Variants in ADAM2 observed in about 807,000 individuals in gnomAD.
ADAM2 encodes disintegrin and metalloproteinase domain-containing protein 2.
Under a neutral mutation model 99.3 loss-of-function variants are expected in ADAM2, and 101 were observed. That is an observed-to-expected ratio of 1.02 (90% CI 0.87 to 1.20). The LOEUF (loss-of-function observed/expected upper bound fraction) is 1.20, where lower values mean the gene tolerates loss of function less well. Ranked by LOEUF, ADAM2 falls within the 50% of genes most tolerant of loss-of-function variation. The probability of loss-of-function intolerance (pLI) is 0.00; values close to 1 mark genes in which losing one functional copy is unlikely to be tolerated. For missense variants in ADAM2, 948 were observed against 878.7 expected (o/e 1.08, Z -1.00); for synonymous variants, 323 against 287.6 (o/e 1.12, Z -1.25).
At chr8:39,784,090 A>G (rs776506729) in intron 10 of ADAM2, among the ~76,000 whole-genome samples, 1 of 152,216 alleles carries the variant, frequency 6.6e-6, no homozygotes, top group Non-Finnish European at 1.5e-5. Flanking sequence ...TCTAAATTGC[A>G]ATCTACAGCC....
intron 12 of ADAM2, among the ~76,000 whole-genome samples, chr8:39,768,833 G>T (rs374053253): frequency 6.6e-6 from 1 of 152,158 alleles, no homozygotes; most frequent in East Asian, 1.9e-4. Flanking sequence ...GGAAAATAGG[G>T]AGATGATGGT....
intron 6 of ADAM2, among the ~76,000 whole-genome samples, chr8:39,819,917 G>A (rs6415697): frequency 1 from 152,202 of 152,202 alleles, 76,101 homozygotes; most frequent in Non-Finnish European, 1. Flanking sequence ...GGAATGAGGT[G>A]CCAAGAAAAG....
intron 2 of ADAM2, among the ~76,000 whole-genome samples, chr8:39,835,193 C>G (rs546880235): frequency 6.6e-6 from 1 of 152,056 alleles, no homozygotes; most frequent in South Asian, 2.1e-4. Flanking sequence ...TTACTATTAC[C>G]TCTTCTTCTT....
intron 16 of ADAM2, among the ~76,000 whole-genome samples, chr8:39,752,128 A>G (rs1801973359): frequency 6.6e-6 from 1 of 152,196 alleles, no homozygotes; most frequent in African/African-American, 2.4e-5. Context: ...GTGTGATTTT[A>G]CAAAAGCAAC....
chr8:39,821,214 TGGAAAAGC>T (rs927068153), intron 5 of ADAM2, 44 bp from the exon 6 acceptor site: 1 of 1,337,288 alleles, frequency 7.5e-7, no homozygotes, highest in Admixed American at 2.4e-5. Flanking sequence ...CAATGCCTTG[TGGAAAAGC>T]CAATAAAATG....
At chr8:39,781,219 T>C (rs1359634157) in intron 10 of ADAM2, among the ~76,000 whole-genome samples, 1 of 152,206 alleles carries the variant, frequency 6.6e-6, no homozygotes. Context: ...ATAATTTATG[T>C]ATACTTATGT....
chr8:39,834,457 T>TA (rs556025763), intron 2 of ADAM2, among the ~76,000 whole-genome samples: 53 of 152,144 alleles, frequency 3.5e-4, no homozygotes, highest in African/African-American at 1.0e-3. Flanking sequence ...TACCACATCT[T>TA]AAAGGAAAAC....
chr8:39,785,132 A>C (rs1188796618), intron 10 of ADAM2, among the ~76,000 whole-genome samples: 1 of 152,248 alleles, frequency 6.6e-6, no homozygotes, highest in African/African-American at 2.4e-5. Context: ...GCAATGCCAA[A>C]GTCCAGAATG....
At chr8:39,759,062 T>A (rs968628375) in intron 15 of ADAM2, among the ~76,000 whole-genome samples, 4 of 152,116 alleles carry the variant, frequency 2.6e-5, no homozygotes, top group Non-Finnish European at 4.4e-5. Context: ...AAACAGAATA[T>A]GCCCAGGGTC....
intron 10 of ADAM2, among the ~76,000 whole-genome samples, chr8:39,779,397 A>G (rs1319589607): frequency 6.6e-6 from 1 of 152,096 alleles, no homozygotes; most frequent in Non-Finnish European, 1.5e-5. Flanking sequence ...ACCATGACCT[A>G]TTTAACCTTT....
At chr8:39,750,995 A>G (rs530921) in intron 16 of ADAM2, among the ~76,000 whole-genome samples, 1,831 of 151,898 alleles carry the variant, frequency 0.012, 44 homozygotes, top group African/African-American at 0.042. Flanking sequence ...TTTTCCTCTT[A>G]TAATATAGGA....
chr8:39,819,532 C>T (rs1805092131), intron 6 of ADAM2, among the ~76,000 whole-genome samples: 1 of 152,176 alleles, frequency 6.6e-6, no homozygotes, highest in African/African-American at 2.4e-5. Context: ...GTGAAGGTGC[C>T]TTTTAGACAA....
intron 7 of ADAM2, among the ~76,000 whole-genome samples, chr8:39,790,442 T>C (rs1803659437): frequency 6.6e-6 from 1 of 151,974 alleles, no homozygotes; most frequent in African/African-American, 2.4e-5. Flanking sequence ...TATTGTATGA[T>C]ACCATTTAAA....
intron 7 of ADAM2, among the ~76,000 whole-genome samples, chr8:39,801,359 A>T (rs962004807): frequency 6.6e-6 from 1 of 152,124 alleles, no homozygotes; most frequent in African/African-American, 2.4e-5. Context: ...TCACTCAAGA[A>T]GGCTGGAGAG....
chr8:39,832,632 T>C (rs1365016188), intron 3 of ADAM2, among the ~76,000 whole-genome samples: 2 of 152,244 alleles, frequency 1.3e-5, no homozygotes, highest in Non-Finnish European at 2.9e-5. Context: ...TGAATGTTTT[T>C]GAGCCAAGAG....
chr8:39,800,767 GTA>G, intron 7 of ADAM2, among the ~76,000 whole-genome samples: 1 of 152,104 alleles, frequency 6.6e-6, no homozygotes, highest in East Asian at 1.9e-4. Context: ...TCTTGTTTCA[GTA>G]AGGTGGTCTT....
chr8:39,746,721 A>G, intron 18 of ADAM2, 90 bp from the exon 19 acceptor site: 1 of 999,948 alleles, frequency 1.0e-6, no homozygotes, highest in Non-Finnish European at 1.5e-6. Context: ...CCAAAATAAA[A>G]TCTTTGAACA....
chr8:39,805,530 G>A (rs750178290), intron 7 of ADAM2, among the ~76,000 whole-genome samples: 7 of 151,862 alleles, frequency 4.6e-5, no homozygotes, highest in Non-Finnish European at 8.8e-5. Flanking sequence ...AATGACCAAA[G>A]GAATACAAAA....
chr8:39,833,224 T>C (rs1805687286), intron 3 of ADAM2, among the ~76,000 whole-genome samples: 1 of 152,098 alleles, frequency 6.6e-6, no homozygotes, highest in South Asian at 2.1e-4. Flanking sequence ...TGTTATTTCT[T>C]CAAACTAGTA....
Sources: allele counts gnomAD v4.1 joint callset (sites outside exome capture counted in the v4.1 genomes callset), GRCh38; gene constraint gnomAD v4.1.1; transcripts MANE v1.5; gene names NCBI Gene and HGNC (gene_info 2026-07-23, HGNC 2026-07-21).